Variants in ABAT observed in about 807,000 individuals in gnomAD.
ABAT encodes 4-aminobutyrate aminotransferase.
A neutral mutation model predicts 64.6 loss-of-function variants in ABAT; 45 were observed. That is an observed-to-expected ratio of 0.70 (90% CI 0.55 to 0.89). The LOEUF (loss-of-function observed/expected upper bound fraction) is 0.89. ABAT is among the 40% of genes least tolerant of loss of function. ABAT has a pLI of 0.00. For missense variants in ABAT, 633 were observed against 658.4 expected (o/e 0.96, Z 0.42); for synonymous variants, 297 against 250.5 (o/e 1.19, Z -1.75).
At chr16:8,713,485 G>C (rs1335901223) in intron 1 of ABAT, 7 of 198,290 alleles carry the variant, frequency 3.5e-5, no homozygotes, top group African/African-American at 1.2e-4. Context: ...CTTTGTTTCT[G>C]TGTAGTTGCA....
At chr16:8,683,077 C>A (rs1296332791) in intron 1 of ABAT, among the ~76,000 whole-genome samples, 5 of 152,160 alleles carry the variant, frequency 3.3e-5, no homozygotes, top group Non-Finnish European at 5.9e-5. Context: ...CCATTTGTAC[C>A]TTTGCCTGAC....
intron 1 of ABAT, among the ~76,000 whole-genome samples, chr16:8,735,241 T>C: frequency 6.6e-6 from 1 of 151,598 alleles, no homozygotes; most frequent in Non-Finnish European, 1.5e-5. Context: ...GGTTGGTTTT[T>C]TTTGTTTTGT....
intron 1 of ABAT, among the ~76,000 whole-genome samples, chr16:8,685,009 G>C (rs1287424680): frequency 6.6e-6 from 1 of 152,116 alleles, no homozygotes; most frequent in East Asian, 1.9e-4. Context: ...ACAAGGCCAG[G>C]CATGGTGGTT....
At chr16:8,753,893 C>T (rs1025170348) in intron 5 of ABAT, among the ~76,000 whole-genome samples, 3 of 152,030 alleles carry the variant, frequency 2.0e-5, no homozygotes, top group Non-Finnish European at 4.4e-5. Context: ...CAGAAAGTCT[C>T]CCCTGGGTGA....
intron 1 of ABAT, chr16:8,713,609 C>A: frequency 3.3e-6 from 1 of 304,014 alleles, no homozygotes; most frequent in Non-Finnish European, 6.7e-6. Flanking sequence ...GCGCACTTGC[C>A]GGGTACCAGC....
Position 8,766,226 on chromosome 16 carries a change from A to T in ABAT, c.559A>T (p.Arg187Trp), listed in dbSNP as rs1401719560. The T allele has an allele frequency of 1.2e-6, 2 of 1,614,128 alleles. No homozygotes were observed. The highest frequency in any genetic ancestry group is 1.3e-5 in the African/African-American group (1 of 75,056). The change falls in exon 9 of 16, where the codon AGG becomes TGG. Residue 187 changes from arginine to tryptophan, a missense_variant. Arg to Trp is a moderately radical substitution (Grantham distance 101). Transcript: ENST00000268251. ...GTTTCAGAGCAAGGAAAGAGGGCAG[A>T]GGGGCTTCTCCCAGGAGGAGCTGGA... The part of the protein sequence containing the change: ...MWYRSKERGQ[R>W]GFSQEELETC...
intron 5 of ABAT, among the ~76,000 whole-genome samples, chr16:8,753,162 C>T (rs1043546169): frequency 3.3e-5 from 5 of 149,530 alleles, no homozygotes; most frequent in South Asian, 2.1e-4. Context: ...GGCATGATCT[C>T]GGCTCACTGC....
intron 1 of ABAT, among the ~76,000 whole-genome samples, chr16:8,685,838 G>A (rs2057443310): frequency 6.6e-6 from 1 of 152,194 alleles, no homozygotes. Context: ...CTTGAATTTG[G>A]ACTTGACTCA....
rs928728518 is a variant in ABAT at position 8,772,880 on chromosome 16, A to G, written c.917A>G (p.Asp306Gly). 5.6e-6 allele frequency: 9 copies of G among 1,613,962 alleles called. No individual in the cohort carries two copies. Among genetic ancestry groups the G allele is most frequent in the Non-Finnish European group, 7.6e-6 (9 of 1,179,960 alleles). Residue 306 changes from aspartate (D) to glycine (G), a missense_variant, in exon 12 of 16, where the codon GAT (aspartate) becomes GGT (glycine). Asp to Gly is a moderately conservative substitution (Grantham distance 94). Coordinates refer to ENST00000268251, the MANE Select transcript of ABAT (RefSeq NM_020686.6). ...GAGGGTGGAGACAACCACGCATCCG[A>G]TGACTTCTTTCGGAAGCTGAGAGAC... is the stretch of plus-strand genomic sequence containing the variant. ...QSEGGDNHAS[D>G]DFFRKLRDIA...
At chr16:8,757,473 A>ATC (rs1265248540) in intron 5 of ABAT, among the ~76,000 whole-genome samples, 3 of 151,980 alleles carry the variant, frequency 2.0e-5, no homozygotes, top group Non-Finnish European at 4.4e-5. Flanking sequence ...TGGCGCATTT[A>ATC]TCTCACCTTA....
intron 6 of ABAT, among the ~76,000 whole-genome samples, chr16:8,762,067 T>C (rs1054938540): frequency 2.4e-4 from 36 of 152,054 alleles, no homozygotes; most frequent in African/African-American, 8.7e-4. Flanking sequence ...GGCTGGATCA[T>C]AGTTCATTGC....
At chr16:8,699,583 A>G (rs1250896026) in intron 1 of ABAT, among the ~76,000 whole-genome samples, 1 of 151,776 alleles carries the variant, frequency 6.6e-6, no homozygotes, top group East Asian at 2.0e-4. Context: ...ATAAAATAAA[A>G]CAGGACCTCA....
chr16:8,779,176 C>T (rs1256607889), intron 14 of ABAT, among the ~76,000 whole-genome samples: 1 of 152,220 alleles, frequency 6.6e-6, no homozygotes, highest in Admixed American at 6.5e-5. Flanking sequence ...CAGTTTATAG[C>T]AGGGTAAACA....
chr16:8,764,033 C>G lies in ABAT; in HGVS notation c.367-36C>G. 1 of 1,594,554 alleles carries G rather than the reference C, an allele frequency of 6.3e-7. No individual in the cohort carries two copies. The highest frequency in any genetic ancestry group is 8.6e-7 in the Non-Finnish European group (1 of 1,162,346). On this transcript the variant is annotated intron_variant, in intron 6 of 15. Transcript: ENST00000268251. This position sits in a 1 kb window ranked among gnomAD's most constrained non-coding sequence, Gnocchi z 4.2. ...TGTGGGCAGGGAGCTGGGTCAGGCC[C>G]CCAGAAGTCACCATTTGTCTCTTGC...
At chr16:8,748,081 T>A in intron 3 of ABAT, 27 bp from the exon 4 acceptor site, 1 of 1,611,620 alleles carries the variant, frequency 6.2e-7, no homozygotes, top group Admixed American at 1.7e-5. Flanking sequence ...GGACTTGCTA[T>A]AATGCTTTTG....
intron 1 of ABAT, among the ~76,000 whole-genome samples, chr16:8,680,956 C>CTCTTTT: frequency 6.6e-6 from 1 of 150,514 alleles, no homozygotes; most frequent in Non-Finnish European, 1.5e-5. Context: ...TTCTTCTTTT[C>CTCTTTT]TCTTTTTCTT....
At chr16:8,689,607 G>T (rs2057534801) in intron 1 of ABAT, among the ~76,000 whole-genome samples, 1 of 152,236 alleles carries the variant, frequency 6.6e-6, no homozygotes, top group Non-Finnish European at 1.5e-5. Context: ...GGTAACATAT[G>T]AATGTGATGG....
chr16:8,685,012 T>G (rs1355075478), intron 1 of ABAT, among the ~76,000 whole-genome samples: 1 of 152,056 alleles, frequency 6.6e-6, no homozygotes, highest in Non-Finnish European at 1.5e-5. Flanking sequence ...AGGCCAGGCA[T>G]GGTGGTTCAT....
chr16:8,754,722 C>CTTTCTTTCT (rs1555490653), intron 5 of ABAT, among the ~76,000 whole-genome samples: 3 of 133,132 alleles, frequency 2.3e-5, no homozygotes, highest in Admixed American at 1.6e-4. Context: ...TTCTTTCTTT[C>CTTTCTTTCT]TTTTTTTTTT....
Sources: gnomAD v4.1 joint callset for allele counts (sites outside exome capture counted in the v4.1 genomes callset) on GRCh38, gnomAD v4.1.1 for gene constraint, Gnocchi (gnomAD v3.1) non-coding constraint, MANE v1.5 for transcripts, NCBI Gene and HGNC (gene_info 2026-07-23, HGNC 2026-07-21) for gene names.